The following COG6 variants were observed in gnomAD, a reference collection of about 807,000 sequenced individuals.
COG6 encodes the protein component of oligomeric golgi complex 6, also known as conserved oligomeric Golgi complex subunit 6.
Under a neutral mutation model 88.8 loss-of-function variants are expected in COG6, and 74 were observed. That is an observed-to-expected ratio of 0.83 (90% CI 0.69 to 1.01). COG6 has a LOEUF of 1.01. COG6 is among the 50% of genes least tolerant of loss of function. COG6 has a pLI of 0.00. For missense variants in COG6, 800 were observed against 797.9 expected (o/e 1.00, Z -0.03); for synonymous variants, 286 against 278.7 (o/e 1.03, Z -0.26).
intron 12 of COG6, among the ~76,000 whole-genome samples, chr13:39,697,075 A>T (rs780000674): frequency 6.6e-6 from 1 of 150,664 alleles, no homozygotes; most frequent in South Asian, 2.1e-4. Context: ...GAACTGGTTG[A>T]TGGGAGTGGT....
Position 39,659,509 on chromosome 13 carries a change from T to C in COG6, c.297+2T>C. On this transcript the variant is annotated splice_donor_variant, in intron 2 of 18. Coordinates refer to ENST00000455146, the MANE Select transcript of COG6 (RefSeq NM_020751.3). LOFTEE classifies it high-confidence loss of function. ...AGCATTTTCAAGGAAGTGAAGGAGG[T>C]ATGTAAACTCTTTTCATTTAGCATA... The C allele has an allele frequency of 6.2e-7, 1 of 1,609,272 alleles. No individual in the cohort carries two copies. The highest frequency in any genetic ancestry group is 8.5e-7 in the Non-Finnish European group (1 of 1,176,342).
intron 13 of COG6, among the ~76,000 whole-genome samples, chr13:39,705,970 A>G (rs1297998691): frequency 6.6e-6 from 1 of 152,008 alleles, no homozygotes; most frequent in Admixed American, 6.6e-5. Context: ...ACAGAAAACC[A>G]AATTTTTTTT....
At chr13:39,676,215 A>G (rs1284173900) in intron 4 of COG6, among the ~76,000 whole-genome samples, 1 of 152,036 alleles carries the variant, frequency 6.6e-6, no homozygotes, top group African/African-American at 2.4e-5. Context: ...GATAACCATG[A>G]TCTCTCACCA....
chr13:39,739,540 T>A (rs1359762675), intron 18 of COG6, among the ~76,000 whole-genome samples: 1 of 151,996 alleles, frequency 6.6e-6, no homozygotes, highest in African/African-American at 2.4e-5. Context: ...AAAAATCATT[T>A]AAAAAAATCA....
intron 1 of COG6, among the ~76,000 whole-genome samples, chr13:39,658,883 T>C (rs1874701597): frequency 6.6e-6 from 1 of 152,224 alleles, no homozygotes; most frequent in Admixed American, 6.5e-5. Flanking sequence ...ATTCCAGAGA[T>C]AGTTAATGTG....
chr13:39,763,095 C>T (rs1881070890), intron 18 of COG6, among the ~76,000 whole-genome samples: 1 of 151,566 alleles, frequency 6.6e-6, no homozygotes, highest in African/African-American at 2.4e-5. Context: ...TATAATTTTC[C>T]TGGCATTAAA....
chr13:39,703,419 A>G (rs1376546024), intron 13 of COG6, among the ~76,000 whole-genome samples: 1 of 152,014 alleles, frequency 6.6e-6, no homozygotes, highest in Non-Finnish European at 1.5e-5. Context: ...CCATTTTCCT[A>G]TTGGGTTGTC....
At chr13:39,769,743 G>A (rs1163990233) in intron 18 of COG6, among the ~76,000 whole-genome samples, 1 of 152,132 alleles carries the variant, frequency 6.6e-6, no homozygotes, top group Non-Finnish European at 1.5e-5. Context: ...GGGGCCTTCG[G>A]TTGGTGATTA....
chr13:39,742,709 A>G (rs1880114194), intron 18 of COG6, among the ~76,000 whole-genome samples: 1 of 152,192 alleles, frequency 6.6e-6, no homozygotes, highest in Non-Finnish European at 1.5e-5. Flanking sequence ...ACAGAAAGTT[A>G]ACAAGGATAT....
chr13:39,785,303 T>C (rs890771327), intron 18 of COG6: 1 of 152,216 alleles, frequency 6.6e-6, no homozygotes, highest in Non-Finnish European at 1.5e-5. Context: ...CTGAAGGTAG[T>C]AAGGCAGGGA....
At chr13:39,680,428 T>G (rs972779833) in intron 7 of COG6, among the ~76,000 whole-genome samples, 1 of 152,216 alleles carries the variant, frequency 6.6e-6, no homozygotes, top group Non-Finnish European at 1.5e-5. Flanking sequence ...AAGTTGTAAG[T>G]GGTAAACTGA....
chr13:39,671,362 T>G (rs1226809401), intron 4 of COG6, among the ~76,000 whole-genome samples: 1 of 151,950 alleles, frequency 6.6e-6, no homozygotes, highest in Non-Finnish European at 1.5e-5. Context: ...AGCTTTTTTT[T>G]GCGTAACATT....
At chr13:39,702,121 C>T (rs9576888) in intron 13 of COG6, among the ~76,000 whole-genome samples, 35,280 of 151,740 alleles carry the variant, frequency 0.23, 4,331 homozygotes, top group Non-Finnish European at 0.28. Flanking sequence ...TTTAAGGTGA[C>T]ATAAATTGGT....
intron 18 of COG6, among the ~76,000 whole-genome samples, chr13:39,737,380 G>C (rs192277853): frequency 1.4e-4 from 21 of 152,126 alleles, no homozygotes; most frequent in Non-Finnish European, 2.5e-4. Flanking sequence ...ATGAATCAGT[G>C]AGGCTTGTGT....
intron 1 of COG6, among the ~76,000 whole-genome samples, chr13:39,658,969 G>A (rs1874708108): frequency 6.6e-6 from 1 of 152,032 alleles, no homozygotes; most frequent in African/African-American, 2.4e-5. Context: ...TTTAACTGTT[G>A]GTATTACAAC....
At chr13:39,663,279 C>A (rs147776096) in intron 3 of COG6, among the ~76,000 whole-genome samples, 3 of 151,902 alleles carry the variant, frequency 2.0e-5, no homozygotes, top group African/African-American at 7.3e-5. Flanking sequence ...TATTATATAA[C>A]ATTGTGCTAA....
chr13:39,691,897 A>G (rs955093506), intron 11 of COG6, among the ~76,000 whole-genome samples: 2 of 151,948 alleles, frequency 1.3e-5, no homozygotes, highest in African/African-American at 4.8e-5. Context: ...ATTGGATGTT[A>G]TGGCTACTTT....
At chr13:39,700,810 G>A (rs1170914369) in intron 13 of COG6, among the ~76,000 whole-genome samples, 2 of 151,770 alleles carry the variant, frequency 1.3e-5, no homozygotes, top group Non-Finnish European at 2.9e-5. Context: ...AGTATATTTA[G>A]CAAACTTATC....
chr13:39,706,079 T>C (rs2138047370), intron 13 of COG6, among the ~76,000 whole-genome samples: 1 of 151,620 alleles, frequency 6.6e-6, no homozygotes, highest in Non-Finnish European at 1.5e-5. Context: ...TAAATTTATC[T>C]TGGACAATTT....
Sources: gnomAD v4.1 joint callset for allele counts (sites outside exome capture counted in the v4.1 genomes callset) on GRCh38, gnomAD v4.1.1 for gene constraint, MANE v1.5 for transcripts, NCBI Gene and HGNC (gene_info 2026-07-23, HGNC 2026-07-21) for gene names.